Variants in CHRNA9 observed in about 807,000 individuals in gnomAD.
CHRNA9 encodes cholinergic receptor nicotinic alpha 9 subunit, also known as neuronal acetylcholine receptor subunit alpha-9.
A neutral mutation model predicts 36.8 loss-of-function variants in CHRNA9; 24 were observed. That is an observed-to-expected ratio of 0.65 (90% CI 0.47 to 0.92). CHRNA9 has a LOEUF of 0.92. CHRNA9 is among the 40% of genes least tolerant of loss of function. The probability of loss-of-function intolerance (pLI) is 0.00; values close to 1 mark genes in which losing one functional copy is unlikely to be tolerated. For missense variants in CHRNA9, 610 were observed against 601.2 expected (o/e 1.01, Z -0.15); for synonymous variants, 231 against 231.8 (o/e 1.00, Z 0.03).
chr4:40,342,201 A>G (rs146506189), intron 3 of CHRNA9, among the ~76,000 whole-genome samples: 3 of 152,232 alleles, frequency 2.0e-5, no homozygotes, highest in Non-Finnish European at 2.9e-5. Flanking sequence ...TGATTTAGAG[A>G]ATGGCAAGAC....
At position 40,354,433 on chromosome 4, in the gene CHRNA9, G is replaced by A; in HGVS notation, c.1353G>A (p.Val451=). 1 of 1,614,092 alleles carries A rather than the reference G, an allele frequency of 6.2e-7. No homozygotes were observed. The highest frequency in any genetic ancestry group is 8.5e-7 in the Non-Finnish European group (1 of 1,179,974). The change falls in exon 5 of 5, where the codon GTG becomes GTA. Residue 451 remains valine, a synonymous_variant. Coordinates refer to ENST00000310169, the MANE Select transcript of CHRNA9 (RefSeq NM_017581.4). ...TNSKGSEWKK[V]AKVIDRFFMW... The stretch of plus-strand genomic sequence containing the variant: ...CCAAGGGGAGTGAATGGAAGAAGGT[G>A]GCGAAAGTCATAGACCGATTCTTCA...
intron 3 of CHRNA9, among the ~76,000 whole-genome samples, chr4:40,340,310 T>C (rs1348922468): frequency 6.6e-6 from 1 of 152,200 alleles, no homozygotes; most frequent in East Asian, 1.9e-4. Context: ...GCTCTTGTCA[T>C]GGACAATTCT....
chr4:40,342,549 G>A (rs1448645699), intron 3 of CHRNA9, among the ~76,000 whole-genome samples: 1 of 152,184 alleles, frequency 6.6e-6, no homozygotes, highest in East Asian at 1.9e-4. Context: ...TGAAAACCAA[G>A]GGAAGAGAGG....
chr4:40,352,808 C>T (rs1201725671), intron 4 of CHRNA9, among the ~76,000 whole-genome samples: 1 of 152,158 alleles, frequency 6.6e-6, no homozygotes, highest in Non-Finnish European at 1.5e-5. Flanking sequence ...AATAGTGATA[C>T]AGTCTCCTTT....
At chr4:40,336,854 AAT>A (rs1362240423) in intron 2 of CHRNA9, among the ~76,000 whole-genome samples, 2 of 152,208 alleles carry the variant, frequency 1.3e-5, no homozygotes, top group South Asian at 4.1e-4. Context: ...TTAATTACAC[AAT>A]GTTATGAAAC....
At position 40,339,662 on chromosome 4, in the gene CHRNA9, CA is replaced by C. The variant is rs756343215; in HGVS notation, c.365+2317del. Among the ~76,000 whole-genome samples, 706 of 94,106 alleles carry C rather than the reference CA, an allele frequency of 7.5e-3. 9 individuals carry two copies. Among genetic ancestry groups the C allele is most frequent in the South Asian group, 0.029 (75 of 2,552 alleles). 61.7% of individuals were successfully genotyped at this position (94,106 alleles called of 152,430 possible). On this transcript the variant is annotated intron_variant, in intron 3 of 4. Coordinates refer to ENST00000310169, the MANE Select transcript of CHRNA9 (RefSeq NM_017581.4). ...TGGGTGACAGAGCTAGACTCTATCT[CA>C]AAAAAAAAAAAAAAAAAAGGCGGGG... is the stretch of plus-strand genomic sequence containing the variant.
intron 3 of CHRNA9, among the ~76,000 whole-genome samples, chr4:40,341,593 C>T (rs1175825548): frequency 1.3e-5 from 2 of 152,144 alleles, no homozygotes; most frequent in African/African-American, 2.4e-5. Flanking sequence ...ACATAGGGCG[C>T]AACCAATGGG....
At chr4:40,337,121 A>G in intron 2 of CHRNA9, 89 bp from the exon 3 acceptor site, 3 of 1,213,352 alleles carry the variant, frequency 2.5e-6, no homozygotes, top group Non-Finnish European at 3.6e-6. Context: ...AGTGTTTGTG[A>G]AATTCCTATT....
At chr4:40,339,756 G>A (rs1038299958) in intron 3 of CHRNA9, among the ~76,000 whole-genome samples, 3 of 150,958 alleles carry the variant, frequency 2.0e-5, no homozygotes, top group Non-Finnish European at 4.4e-5. Flanking sequence ...TCAACTTCCC[G>A]GGCTCAGGTT....
rs757655992 is a variant in CHRNA9, at chr4:40,349,081, T to C, written c.565T>C (p.Leu189=). ...NGNQVDIFNA[L]DSGDLSDFIE... ...CAATCAGGTGGACATATTCAACGCC[T>C]TGGACAGCGGAGATCTCTCTGACTT... The change falls in exon 4 of 5, where the codon TTG becomes CTG. Residue 189 remains leucine, a synonymous_variant. Transcript: ENST00000310169. 29 of 1,614,028 alleles carry C rather than the reference T, an allele frequency of 1.8e-5. 1 individual carries two copies. The Middle Eastern group carries it at 4.9e-4, about 27-fold the overall frequency.
intron 3 of CHRNA9, among the ~76,000 whole-genome samples, chr4:40,347,080 T>G (rs1028566243): frequency 6.6e-6 from 1 of 152,214 alleles, no homozygotes; most frequent in Non-Finnish European, 1.5e-5. Flanking sequence ...CCCAAAGTGC[T>G]GGGATTACAG....
rs1712779502 is a variant in CHRNA9 at position 40,350,768 on chromosome 4, C to G, written c.898+1354C>G. On this transcript the variant is annotated intron_variant, in intron 4 of 4. Coordinates refer to ENST00000310169, the MANE Select transcript of CHRNA9 (RefSeq NM_017581.4). The stretch of plus-strand genomic sequence containing the variant: ...TTAAACACAGAAGGCTTTTCCACCT[C>G]TAATAAAAAGGAGATGTATTGGCAT... 2.0e-5 allele frequency among the ~76,000 whole-genome samples: 3 copies of G among 150,582 alleles called. 1 individual carries two copies. The highest frequency in any genetic ancestry group is 4.4e-5 in the Non-Finnish European group (3 of 67,722).
rs1712284922 is a variant in CHRNA9 at position 40,335,425 on chromosome 4, A to G, written c.-43A>G. 8 of 1,478,706 alleles carry G rather than the reference A, an allele frequency of 5.4e-6. No individual in the cohort carries two copies. The highest frequency in any genetic ancestry group is 7.6e-6 in the Non-Finnish European group (8 of 1,056,084). The allele number at this position is 1,478,706 out of a possible 1,614,324, so 91.6% of individuals were successfully genotyped here. ...TATTCATAGGGGGAAGTGGAAGACC[A>G]CGCTGCCTGACTGAGACTTTATTAT... On this transcript the variant is annotated 5_prime_UTR_variant, in exon 1 of 5. Transcript: ENST00000310169.
At position 40,353,993 on chromosome 4, in the gene CHRNA9, G is replaced by A. The variant is rs1712874007; in HGVS notation, c.913G>A (p.Ala305Thr). The A allele has an allele frequency of 1.2e-6, 2 of 1,601,072 alleles. No individual in the cohort carries two copies. Among genetic ancestry groups the A allele is most frequent in the Non-Finnish European group, 1.7e-6 (2 of 1,171,644 alleles). The change falls in exon 5 of 5, where the codon GCC becomes ACC. Residue 305 changes from alanine (A) to threonine (T), a missense_variant. Physicochemically the swap from Ala to Thr is moderately conservative, Grantham distance 58. Transcript: ENST00000310169. ...NVPLIGKYYI[A>T]TMALITASTA... ...TTTAATTCCAGGTAAATACTACATA[G>A]CCACGATGGCCCTGATCACAGCCTC...
At position 40,335,441 on chromosome 4, in the gene CHRNA9, A is replaced by G. The variant is rs2109674727; in HGVS notation, c.-27A>G. 3 of 1,583,884 alleles carry G rather than the reference A, an allele frequency of 1.9e-6. No homozygotes were observed. The highest frequency in any genetic ancestry group is 2.2e-5 in the East Asian group (1 of 44,776). ...TGGAAGACCACGCTGCCTGACTGAG[A>G]CTTTATTATAGAGGCTCAGGAAAAA... On this transcript the variant is annotated 5_prime_UTR_variant, in exon 1 of 5. Transcript: ENST00000310169.
intron 3 of CHRNA9, 142 bp downstream of exon 3, chr4:40,337,506 C>T: frequency 2.0e-6 from 2 of 981,884 alleles, no homozygotes; most frequent in Non-Finnish European, 2.9e-6. Context: ...AAATAAGAGA[C>T]ATAGAATCTT....
At chr4:40,339,129 A>C (rs1373266029) in intron 3 of CHRNA9, among the ~76,000 whole-genome samples, 1 of 149,242 alleles carries the variant, frequency 6.7e-6, no homozygotes, top group Non-Finnish European at 1.5e-5. Context: ...AATACAAAAA[A>C]TCAGCTGGGT....
rs1044783303 is a variant in CHRNA9 at position 40,354,522 on chromosome 4, C to G, written c.*2C>G. On this transcript the variant is annotated 3_prime_UTR_variant, in exon 5 of 5. Coordinates refer to ENST00000310169, the MANE Select transcript of CHRNA9 (RefSeq NM_017581.4). ...TTGATCATAGCAAGAGCGGATTAGTCACAGATATTGGCTTTGCTATCTGGG... is the reference window on the plus strand; with the variant it reads ...TTGATCATAGCAAGAGCGGATTAGTGACAGATATTGGCTTTGCTATCTGGG... 2 of 1,599,106 alleles carry G rather than the reference C, an allele frequency of 1.3e-6. No individual in the cohort carries two copies. The highest frequency in any genetic ancestry group is 2.7e-5 in the African/African-American group (2 of 74,764).
At chr4:40,338,975 T>C (rs1321972734) in intron 3 of CHRNA9, among the ~76,000 whole-genome samples, 1 of 151,988 alleles carries the variant, frequency 6.6e-6, no homozygotes, top group East Asian at 1.9e-4. Context: ...GAGAGTAATA[T>C]CTGATAATTT....
Sources: gnomAD v4.1 joint callset for allele counts (sites outside exome capture counted in the v4.1 genomes callset) on GRCh38, gnomAD v4.1.1 for gene constraint, MANE v1.5 for transcripts, NCBI Gene and HGNC (gene_info 2026-07-23, HGNC 2026-07-21) for gene names.